The following VIRMA variants were observed in gnomAD, a reference collection of about 807,000 sequenced individuals.
VIRMA encodes the protein vir like m6A methyltransferase associated.
In VIRMA, 65 loss-of-function variants were observed where a neutral mutation model predicts 182.4. The observed-to-expected ratio is 0.36, with a 90% CI of 0.29 to 0.44. The LOEUF (loss-of-function observed/expected upper bound fraction) is 0.44, where lower values mean the gene tolerates loss of function less well. Among genes scored for constraint, VIRMA ranks in the 20% least tolerant of loss-of-function variants. VIRMA has a pLI of 1.00. For synonymous variants in VIRMA, 709 were observed against 743.1 expected (o/e 0.95, Z 0.75); for missense variants, 1,752 against 2,158.1 (o/e 0.81, Z 3.73).
At chr8:94,520,800 T>C (rs117755394) in intron 8 of VIRMA, among the ~76,000 whole-genome samples, 6 of 152,272 alleles carry the variant, frequency 3.9e-5, no homozygotes, top group Middle Eastern at 3.4e-3. Flanking sequence ...TAGAAAAATA[T>C]AGTATACTCA....
intron 6 of VIRMA, among the ~76,000 whole-genome samples, chr8:94,529,952 A>C (rs1156931861): frequency 1.3e-5 from 2 of 150,932 alleles, no homozygotes; most frequent in Admixed American, 1.3e-4. Flanking sequence ...TTTTTATTTT[A>C]TTTTATTTTT....
intron 1 of VIRMA, among the ~76,000 whole-genome samples, chr8:94,549,672 C>T (rs954327724): frequency 2.0e-5 from 3 of 152,240 alleles, no homozygotes; most frequent in African/African-American, 4.8e-5. Context: ...CACTGGGACA[C>T]AGCATAGCAC....
chr8:94,496,648 T>A (rs1813789050), intron 17 of VIRMA, 168 bp from the exon 18 acceptor site: 1 of 493,064 alleles, frequency 2.0e-6, no homozygotes. Flanking sequence ...AGGTGAAGTA[T>A]GTTTTCTTTG....
intron 14 of VIRMA, among the ~76,000 whole-genome samples, 154 bp downstream of exon 14, chr8:94,510,255 GTATTCATA>G (rs1814316526): frequency 6.6e-6 from 1 of 151,994 alleles, no homozygotes; most frequent in Non-Finnish European, 1.5e-5. Context: ...AAGTCTACAA[GTATTCATA>G]TATTCATATG....
intron 2 of VIRMA, among the ~76,000 whole-genome samples, chr8:94,539,648 CAATGTGGCA>C (rs1235321962): frequency 6.6e-6 from 1 of 152,118 alleles, no homozygotes; most frequent in Non-Finnish European, 1.5e-5. Flanking sequence ...TTCTGAAAAG[CAATGTGGCA>C]ATAAAATTCA....
chr8:94,502,219 T>C (rs1047406029), intron 16 of VIRMA, among the ~76,000 whole-genome samples: 5 of 152,070 alleles, frequency 3.3e-5, no homozygotes, highest in Non-Finnish European at 7.3e-5. Context: ...ATGAAATGTC[T>C]TTTTCATGCA....
intron 14 of VIRMA, among the ~76,000 whole-genome samples, 182 bp downstream of exon 14, chr8:94,510,235 C>A (rs2071198020): frequency 6.6e-6 from 1 of 152,094 alleles, no homozygotes; most frequent in Non-Finnish European, 1.5e-5. Context: ...ATAAAGCTTT[C>A]TAATTTTAAA....
At chr8:94,553,067 C>A (rs976705774) in intron 1 of VIRMA, among the ~76,000 whole-genome samples, 1 of 152,242 alleles carries the variant, frequency 6.6e-6, no homozygotes, top group African/African-American at 2.4e-5. Context: ...CCCTCCCAAA[C>A]GCCATCTGAG....
intron 2 of VIRMA, among the ~76,000 whole-genome samples, chr8:94,542,625 C>T (rs1257579979): frequency 6.6e-6 from 1 of 152,160 alleles, no homozygotes; most frequent in African/African-American, 2.4e-5. Flanking sequence ...ATCCAATCTT[C>T]CTCATTCTAC....
At chr8:94,529,506 T>C (rs1157621067) in intron 6 of VIRMA, among the ~76,000 whole-genome samples, 164 bp from the exon 7 acceptor site, 6 of 152,230 alleles carry the variant, frequency 3.9e-5, no homozygotes, top group Non-Finnish European at 8.8e-5. Flanking sequence ...GTATACACTG[T>C]ACAACTTCTA....
Position 94,553,397 on chromosome 8 carries a change from G to A in VIRMA, c.51C>T (p.His17=). ...CGCCAAGCCTTACCTCAGCGCTCGG[G>A]TGTTTAAAAGTATCTAAAAATAACA... ...MELLFLDTFK[H]PSAEQSSHID... The change falls in exon 1 of 24, where the codon CAC becomes CAT. Residue 17 remains histidine (H), a synonymous_variant. Transcript: ENST00000297591. 6.2e-7 allele frequency: 1 copy of A among 1,614,176 alleles called. No homozygotes were observed. The highest frequency in any genetic ancestry group is 8.5e-7 in the Non-Finnish European group (1 of 1,179,992).
chr8:94,544,662 CA>C (rs11364603), intron 1 of VIRMA, among the ~76,000 whole-genome samples: 25,295 of 94,258 alleles, frequency 0.27, 2,117 homozygotes, highest in East Asian at 0.48. Context: ...GACTCTGTCT[CA>C]AAAAAAAAAA....
chr8:94,516,884 C>T (rs1814578549), intron 10 of VIRMA, among the ~76,000 whole-genome samples: 2 of 152,108 alleles, frequency 1.3e-5, no homozygotes, highest in Admixed American at 6.5e-5. Context: ...TATTTTAAAG[C>T]ATTTTTACAA....
In VIRMA at chr8:94,533,685, T is replaced by G. The variant is rs1586102684; in HGVS notation, c.484+1154A>C. 2.1e-5 allele frequency: 3 copies of G among 143,482 alleles called. No individual in the cohort carries two copies. The Admixed American group carries it at 2.3e-4, about 11-fold the overall frequency. The allele number at this position is 143,482 out of a possible 1,614,324, so 8.9% of individuals were successfully genotyped here. On this transcript the variant is annotated intron_variant, in intron 5 of 23. Coordinates refer to ENST00000297591, the MANE Select transcript of VIRMA (RefSeq NM_015496.5). ...CCCAGGCTGGTCTCACACTCCTGGG[T>G]TCAAGCAAGCCTCCCAAAGTGTAAG...
chr8:94,516,482 T>G (rs1814565267), intron 10 of VIRMA, among the ~76,000 whole-genome samples: 2 of 152,110 alleles, frequency 1.3e-5, no homozygotes, highest in African/African-American at 4.8e-5. Flanking sequence ...AGAAAAGCAC[T>G]CCAATGTAAA....
chr8:94,518,220 T>C (rs1814628979), intron 9 of VIRMA, among the ~76,000 whole-genome samples: 1 of 152,210 alleles, frequency 6.6e-6, no homozygotes, highest in African/African-American at 2.4e-5. Context: ...TATTAACAAG[T>C]ATACTTCATT....
At chr8:94,546,054 C>CAA (rs202226902) in intron 1 of VIRMA, among the ~76,000 whole-genome samples, 2 of 123,438 alleles carry the variant, frequency 1.6e-5, no homozygotes, top group African/African-American at 3.4e-5. Flanking sequence ...GAGACTCTGT[C>CAA]AAAAAAAAAA....
intron 4 of VIRMA, among the ~76,000 whole-genome samples, chr8:94,536,414 A>G (rs756008606): frequency 1.3e-5 from 2 of 152,266 alleles, no homozygotes; most frequent in East Asian, 1.9e-4. Flanking sequence ...GGCATCTGGC[A>G]TATCAAGAAA....
intron 2 of VIRMA, among the ~76,000 whole-genome samples, chr8:94,540,461 C>CTTTTTTTTTTTTTTTT (rs963429701): frequency 4.7e-5 from 6 of 128,632 alleles, no homozygotes; most frequent in Non-Finnish European, 8.4e-5. Context: ...TTCTTCTTTT[C>CTTTTTTTTTTTTTTTT]TTTTTTTTTT....
Sources: allele counts gnomAD v4.1 joint callset (sites outside exome capture counted in the v4.1 genomes callset), GRCh38; gene constraint gnomAD v4.1.1; transcripts MANE v1.5; gene names NCBI Gene and HGNC (gene_info 2026-07-23, HGNC 2026-07-21).